The following ZNF280D variants were observed in gnomAD, a reference collection of about 807,000 sequenced individuals.
ZNF280D encodes the protein zinc finger protein 280D, also known as suppressor of hairy wing homolog 4.
Under a neutral mutation model 94.7 loss-of-function variants are expected in ZNF280D, and 39 were observed. That is an observed-to-expected ratio of 0.41 (90% CI 0.32 to 0.54). The LOEUF is 0.54. ZNF280D is among the 20% of genes least tolerant of loss of function. The probability of loss-of-function intolerance (pLI) is 0.22; values close to 1 mark genes in which losing one functional copy is unlikely to be tolerated. For synonymous variants in ZNF280D, 398 were observed against 377.6 expected (o/e 1.05, Z -0.63); for missense variants, 1,090 against 1,149.3 (o/e 0.95, Z 0.75).
chr15:56,685,782 C>T (rs146248397), intron 9 of ZNF280D, among the ~76,000 whole-genome samples: 5 of 152,076 alleles, frequency 3.3e-5, no homozygotes, highest in African/African-American at 1.2e-4. Flanking sequence ...GCTACACACA[C>T]ATAAAGCAAC....
In ZNF280D at chr15:56,693,211, T is replaced by C. The variant is rs753476615; in HGVS notation, c.386A>G (p.Tyr129Cys). The C allele has an allele frequency of 3.9e-6, 6 of 1,533,568 alleles. No homozygotes were observed. The East Asian group carries it at 7.1e-5, about 18-fold the overall frequency. 95.0% of individuals were successfully genotyped at this position (1,533,568 alleles called of 1,614,324 possible). ...CACAACTCGTGATGAGTTTGTTATA[T>C]AACCCTGTTAAATAGTTCAAAGGAA... ...VIVQPFSKPG[Y>C]ITNSSRVVSN... The change falls in exon 7 of 22, where the codon TAT becomes TGT. Residue 129 changes from tyrosine to cysteine, a missense_variant. By Grantham distance (194) the Tyr-to-Cys change is radical (BLOSUM62 -2). Coordinates refer to ENST00000267807, the MANE Select transcript of ZNF280D (RefSeq NM_017661.4).
chr15:56,631,566 G>T lies in ZNF280D; in HGVS notation c.2872C>A (p.Pro958Thr). 1 of 1,614,008 alleles carries T rather than the reference G, an allele frequency of 6.2e-7. No individual in the cohort carries two copies. Among genetic ancestry groups the T allele is most frequent in the South Asian group, 1.1e-5 (1 of 91,076 alleles). ...GTTGTGCTAGGGTTATTTCCTCCAG[G>T]AATGTCATCTGTTTGATCAGACACT... ...EVVSDQTDDI[P>T]GGNNPSTTEA... The change falls in exon 22 of 22, where the codon CCT becomes ACT. Residue 958 changes from proline (P) to threonine (T), a missense_variant. Pro to Thr is a conservative substitution (Grantham distance 38). Coordinates refer to ENST00000267807, the MANE Select transcript of ZNF280D (RefSeq NM_017661.4).
rs549874469 is a variant in ZNF280D at position 56,658,930 on chromosome 15, ATGATCTG to A, written c.1995-451_1995-445del. On this transcript the variant is annotated intron_variant, in intron 16 of 21. Transcript: ENST00000267807. ...GTAGGGGGAGTGGGGTAGGATCCAAATGATCTGGGAAGTAAACAGAACTTGAGCTAAA... is the reference window on the plus strand; with the variant it reads ...GTAGGGGGAGTGGGGTAGGATCCAAAGGAAGTAAACAGAACTTGAGCTAAA... Among the ~76,000 whole-genome samples, 331 of 152,168 alleles carry A rather than the reference ATGATCTG, an allele frequency of 2.2e-3. 1 individual carries two copies. Among genetic ancestry groups the A allele is most frequent in the Admixed American group, 6.0e-3 (91 of 15,272 alleles).
At chr15:56,654,659 T>C in intron 17 of ZNF280D, 156 bp from the exon 18 acceptor site, 1 of 676,780 alleles carries the variant, frequency 1.5e-6, no homozygotes, top group Non-Finnish European at 2.5e-6. Flanking sequence ...CATTATTCTC[T>C]GGTAAATGAC....
intron 9 of ZNF280D, among the ~76,000 whole-genome samples, chr15:56,685,649 T>C (rs1316754100): frequency 6.6e-6 from 1 of 152,152 alleles, no homozygotes; most frequent in Non-Finnish European, 1.5e-5. Context: ...CATGCTACTT[T>C]AATCCTTCCT....
chr15:56,658,914 G>A (rs1395187913), intron 16 of ZNF280D, among the ~76,000 whole-genome samples: 1 of 152,076 alleles, frequency 6.6e-6, no homozygotes, highest in Non-Finnish European at 1.5e-5. Context: ...TGTAGGGGGA[G>A]TGGGGTAGGA....
chr15:56,663,553 T>A (rs554497189), intron 16 of ZNF280D, among the ~76,000 whole-genome samples: 8 of 151,954 alleles, frequency 5.3e-5, no homozygotes, highest in African/African-American at 1.9e-4. Flanking sequence ...ATGCACCTAA[T>A]GCAATGAGGG....
intron 16 of ZNF280D, among the ~76,000 whole-genome samples, chr15:56,662,255 T>C (rs2053990848): frequency 6.6e-6 from 1 of 152,034 alleles, no homozygotes; most frequent in Non-Finnish European, 1.5e-5. Context: ...GCCAATAAGG[T>C]ACAATAATTT....
chr15:56,674,280 A>G (rs1210528048), intron 13 of ZNF280D, among the ~76,000 whole-genome samples: 1 of 152,034 alleles, frequency 6.6e-6, no homozygotes, highest in Non-Finnish European at 1.5e-5. Context: ...CCTTAGTTGG[A>G]CTCAAGTCTT....
intron 10 of ZNF280D, 84 bp downstream of exon 10, chr15:56,682,170 C>T (rs1289998497): frequency 1.7e-5 from 17 of 985,220 alleles, no homozygotes; most frequent in Non-Finnish European, 2.4e-5. Context: ...CCTAGAATGG[C>T]ATAGAAAACA....
intron 19 of ZNF280D, among the ~76,000 whole-genome samples, chr15:56,647,066 T>A (rs1483208525): frequency 5.9e-5 from 9 of 152,322 alleles, no homozygotes; most frequent in African/African-American, 2.2e-4. Flanking sequence ...AAGGTCTTGA[T>A]TGCCATGCTA....
intron 1 of ZNF280D, among the ~76,000 whole-genome samples, chr15:56,721,501 A>G (rs1188386944): frequency 1.3e-5 from 2 of 152,232 alleles, no homozygotes; most frequent in East Asian, 3.8e-4. Flanking sequence ...TGTTTAGTGT[A>G]GCCGCCCTCA....
intron 20 of ZNF280D, among the ~76,000 whole-genome samples, chr15:56,640,797 G>A (rs1012454104): frequency 6.6e-6 from 1 of 152,036 alleles, no homozygotes; most frequent in Non-Finnish European, 1.5e-5. Flanking sequence ...ACTGCACTAA[G>A]CAAAATATGT....
chr15:56,663,122 A>C (rs1346019380), intron 16 of ZNF280D, among the ~76,000 whole-genome samples: 2 of 141,658 alleles, frequency 1.4e-5, no homozygotes, highest in East Asian at 4.0e-4. Flanking sequence ...CCATCCCTAC[A>C]AAAAAAAAAA....
At chr15:56,645,701 C>G (rs182491297) in intron 19 of ZNF280D, among the ~76,000 whole-genome samples, 1 of 152,254 alleles carries the variant, frequency 6.6e-6, no homozygotes, top group Admixed American at 6.5e-5. Flanking sequence ...CACATGCCAC[C>G]ATGCCTGGCT....
chr15:56,720,790 C>A (rs1454918821), intron 1 of ZNF280D, among the ~76,000 whole-genome samples: 1 of 151,972 alleles, frequency 6.6e-6, no homozygotes, highest in Non-Finnish European at 1.5e-5. Flanking sequence ...TATCAATGAG[C>A]AGTAATATTT....
At chr15:56,633,509 G>T (rs1268213596) in intron 21 of ZNF280D, among the ~76,000 whole-genome samples, 1 of 150,904 alleles carries the variant, frequency 6.6e-6, no homozygotes, top group East Asian at 1.9e-4. Context: ...TTTTTTTGAG[G>T]GGGGACAGTC....
intron 1 of ZNF280D, among the ~76,000 whole-genome samples, chr15:56,709,138 C>T (rs2057600232): frequency 6.6e-6 from 1 of 152,092 alleles, no homozygotes; most frequent in Non-Finnish European, 1.5e-5. Flanking sequence ...CCAGAATCTA[C>T]AAAGAACTCA....
intron 1 of ZNF280D, among the ~76,000 whole-genome samples, chr15:56,709,367 T>C (rs1156514008): frequency 6.7e-6 from 1 of 149,190 alleles, no homozygotes. Context: ...CAACAGATGC[T>C]AGAGAGGATG....
Sources: gnomAD v4.1 joint callset for allele counts (sites outside exome capture counted in the v4.1 genomes callset) on GRCh38, gnomAD v4.1.1 for gene constraint, MANE v1.5 for transcripts, NCBI Gene and HGNC (gene_info 2026-07-23, HGNC 2026-07-21) for gene names.